PARP11: variants seen among roughly 807,000 people sequenced by gnomAD.
PARP11 encodes poly(ADP-ribose) polymerase family member 11.
PARP11 carries 31 observed loss-of-function variants against 42.9 expected under a neutral mutation model. The observed-to-expected ratio is 0.72, with a 90% CI of 0.54 to 0.98. The LOEUF (loss-of-function observed/expected upper bound fraction) is 0.98, where lower values mean the gene tolerates loss of function less well. Among genes scored for constraint, PARP11 ranks in the 50% least tolerant of loss-of-function variants. PARP11 has a pLI of 0.00. For synonymous variants in PARP11, 137 were observed against 127.3 expected, an observed-to-expected ratio of 1.08 and a Z score of -0.51; for missense variants, 365 against 413.1, an observed-to-expected ratio of 0.88 and a Z score of 1.01.
chr12:3,830,861 G>A (rs763451965), intron 1 of PARP11, among the ~76,000 whole-genome samples: 9 of 152,114 alleles, frequency 5.9e-5, no homozygotes, highest in Non-Finnish European at 1.3e-4. Context: ...GCACTTAGCC[G>A]CCGTCATATA....
chr12:3,819,820 C>T (rs894580122), intron 6 of PARP11, among the ~76,000 whole-genome samples: 2 of 152,222 alleles, frequency 1.3e-5, no homozygotes, highest in Non-Finnish European at 2.9e-5. Context: ...AGTGGTGCTA[C>T]TACAAACTCC....
intron 1 of PARP11, among the ~76,000 whole-genome samples, chr12:3,831,513 G>A (rs536903411): frequency 1.3e-3 from 198 of 152,214 alleles, no homozygotes; most frequent in African/African-American, 4.6e-3. Flanking sequence ...AATGAAAAAT[G>A]ATAGACTCCT....
chr12:3,853,050 G>A (rs1030617779), intron 1 of PARP11, among the ~76,000 whole-genome samples: 2 of 152,154 alleles, frequency 1.3e-5, no homozygotes, highest in African/African-American at 2.4e-5. Flanking sequence ...ATAAGTGAAG[G>A]AGAAATAAAA....
chr12:3,843,838 A>G (rs1056691146), intron 1 of PARP11, among the ~76,000 whole-genome samples: 1 of 152,170 alleles, frequency 6.6e-6, no homozygotes, highest in Non-Finnish European at 1.5e-5. Flanking sequence ...CCACTCTTTT[A>G]TTATGTTGAG....
chr12:3,852,421 A>T (rs1948114500), intron 1 of PARP11, among the ~76,000 whole-genome samples: 1 of 152,212 alleles, frequency 6.6e-6, no homozygotes, highest in South Asian at 2.1e-4. Flanking sequence ...ACTAGAACAA[A>T]CAGTGTAAGA....
intron 1 of PARP11, among the ~76,000 whole-genome samples, chr12:3,857,827 G>A (rs995569035): frequency 6.6e-6 from 1 of 152,116 alleles, no homozygotes; most frequent in African/African-American, 2.4e-5. Flanking sequence ...TTTATAACAT[G>A]TACTTTCCCC....
chr12:3,812,573 G>T (rs1281924350), intron 7 of PARP11, 134 bp from the exon 8 acceptor site: 1 of 650,732 alleles, frequency 1.5e-6, no homozygotes, highest in Non-Finnish European at 2.6e-6. Context: ...CTCATCTGCA[G>T]ATCTTTAAGA....
chr12:3,858,817 C>T (rs1220534439), intron 1 of PARP11, among the ~76,000 whole-genome samples: 1 of 151,978 alleles, frequency 6.6e-6, no homozygotes, highest in African/African-American at 2.4e-5. Context: ...AGGCTGGGTG[C>T]GGTGGCTCAC....
At chr12:3,828,420 G>A (rs538905371) in intron 3 of PARP11, among the ~76,000 whole-genome samples, 7 of 151,772 alleles carry the variant, frequency 4.6e-5, no homozygotes, top group African/African-American at 1.2e-4. Flanking sequence ...GTGGGGGCGG[G>A]TGCCTGTAAT....
At position 3,822,001 on chromosome 12, in the gene PARP11, A is replaced by G. The variant is rs138696419; in HGVS notation, c.420T>C (p.Leu140=). The G allele has an allele frequency of 3.1e-6, 5 of 1,606,770 alleles. No individual in the cohort carries two copies. The African/African-American group carries it at 6.7e-5, about 22-fold the overall frequency. Residue 140 remains leucine (L), a splice_region_variant and synonymous_variant, in exon 6 of 8, where the codon CTT becomes CTC. Transcript: ENST00000228820. ...ENVNTQVPYQ[L]IPLHNQTHEY... is the part of the protein sequence containing the mutation. ...CATGTGTTTGATTGTGCAGAGGAAT[A>G]AGCTGGAAAAATAAATTTGCATAGA...
At position 3,818,027 on chromosome 12, in the gene PARP11, C is replaced by T. The variant is rs376594663; in HGVS notation, c.549-3839G>A. On this transcript the variant is annotated intron_variant, in intron 6 of 7. Coordinates refer to ENST00000228820, the MANE Select transcript of PARP11 (RefSeq NM_020367.6). ...TATTTCCTTGCTGCCTTATACTTCCCAGCTCTGGATCAATCCAACCATTTC... is the reference window on the plus strand; with the variant it reads ...TATTTCCTTGCTGCCTTATACTTCCTAGCTCTGGATCAATCCAACCATTTC... 2.0e-5 allele frequency among the ~76,000 whole-genome samples: 3 copies of T among 152,174 alleles called. No homozygotes were observed. In the East Asian group the frequency reaches 5.8e-4, roughly 29 times the overall value.
At chr12:3,841,091 T>G in intron 1 of PARP11, 3 of 1,609,870 alleles carry the variant, frequency 1.9e-6, no homozygotes, top group Non-Finnish European at 2.6e-6. Flanking sequence ...CCCTCTCCAG[T>G]TCCTGTGTCA....
intron 1 of PARP11, among the ~76,000 whole-genome samples, chr12:3,837,286 C>T (rs1947786894): frequency 6.6e-6 from 1 of 152,080 alleles, no homozygotes; most frequent in Non-Finnish European, 1.5e-5. Flanking sequence ...AAAACCTGAG[C>T]GTAAGGCACC....
Position 3,809,752 on chromosome 12 carries a change from G to GT in PARP11, c.*2370dup, listed in dbSNP as rs1335302273. On this transcript the variant is annotated 3_prime_UTR_variant, in exon 8 of 8. Transcript: ENST00000228820. ...CTGAATTCCTAATGTCTCTAACATT[G>GT]TTTTTTGTGAACGGGTTTAGAGCCA... 6.6e-6 allele frequency: 1 copy of GT among 152,172 alleles called. No individual in the cohort carries two copies. The highest frequency in any genetic ancestry group is 2.4e-5 in the African/African-American group (1 of 41,448). The allele number at this position is 152,172 out of a possible 1,614,324, so 9.4% of individuals were successfully genotyped here. A position where few individuals can be genotyped will look rare whatever the true frequency, so the allele number is the denominator to read the frequency against.
At chr12:3,860,129 T>C (rs1189696625) in intron 1 of PARP11, among the ~76,000 whole-genome samples, 1 of 152,150 alleles carries the variant, frequency 6.6e-6, no homozygotes, top group Non-Finnish European at 1.5e-5. Context: ...GAAAGTCTGT[T>C]CAGAGGACAA....
At chr12:3,830,482 A>C (rs970684256) in intron 1 of PARP11, among the ~76,000 whole-genome samples, 3 of 152,226 alleles carry the variant, frequency 2.0e-5, no homozygotes, top group Non-Finnish European at 4.4e-5. Flanking sequence ...ATTACAAAAA[A>C]ATAGAAATAG....
rs550722367 is a variant in PARP11, at chr12:3,864,693, A to G, written c.18+8519T>C. Among the ~76,000 whole-genome samples the G allele has an allele frequency of 5.9e-5, 9 of 152,318 alleles. No individual in the cohort carries two copies. The South Asian group carries it at 1.7e-3, about 28-fold the overall frequency. ...TCTAAGTTGTCATACTGCTTGATAT[A>G]AAGTTGTTCATAACATTCCTTTATT... is the stretch of plus-strand genomic sequence containing the variant. On this transcript the variant is annotated intron_variant, in intron 1 of 7. Transcript: ENST00000228820.
rs1186064134 is a variant in PARP11 at position 3,839,884 on chromosome 12, G to A, written c.19-9866C>T. ...GGAACTAGACACGTTGGAAGTAGCTGATGAAGACAACAGTGAAATATCAGA... is the reference window on the plus strand; with the variant it reads ...GGAACTAGACACGTTGGAAGTAGCTAATGAAGACAACAGTGAAATATCAGA... On this transcript the variant is annotated intron_variant, in intron 1 of 7. Coordinates refer to ENST00000228820, the MANE Select transcript of PARP11 (RefSeq NM_020367.6). 3 of 1,065,782 alleles carry A rather than the reference G, an allele frequency of 2.8e-6. No homozygotes were observed. In the African/African-American group the frequency reaches 4.7e-5, roughly 17 times the overall value. 66.0% of individuals were successfully genotyped at this position (1,065,782 alleles called of 1,614,324 possible).
rs189279270 is a variant in PARP11 at position 3,814,950 on chromosome 12, C to A, written c.549-762G>T. Reference sequence around the variant, plus strand: ...ACTGTGTATTATGTAGGTATACATACACAGGTAGTAAAAAATACAAAATAC... The same window carrying A: ...ACTGTGTATTATGTAGGTATACATAAACAGGTAGTAAAAAATACAAAATAC... On this transcript the variant is annotated intron_variant, in intron 6 of 7. Transcript: ENST00000228820. The A allele has an allele frequency of 1.6e-5, 7 of 449,122 alleles. No homozygotes were observed. The Admixed American group carries it at 1.7e-4, about 11-fold the overall frequency. The allele number at this position is 449,122 out of a possible 1,614,324, so 27.8% of individuals were successfully genotyped here.
Sources: allele counts gnomAD v4.1 joint callset (sites outside exome capture counted in the v4.1 genomes callset), GRCh38; gene constraint gnomAD v4.1.1; transcripts MANE v1.5; gene names NCBI Gene and HGNC (gene_info 2026-07-23, HGNC 2026-07-21).